CYP7B1: variants seen among roughly 807,000 people sequenced by gnomAD.
The protein encoded by CYP7B1 is cytochrome P450 7B1.
In CYP7B1, 29 loss-of-function variants were observed where a neutral mutation model predicts 42.7. The observed-to-expected ratio is 0.68, with a 90% CI of 0.51 to 0.93. The LOEUF is 0.93. Among genes scored for constraint, CYP7B1 ranks in the 40% least tolerant of loss-of-function variants. The pLI is 0.00. For missense variants in CYP7B1, 655 were observed against 600.5 expected, an observed-to-expected ratio of 1.09 and a Z score of -0.95; for synonymous variants, 235 against 218.2, an observed-to-expected ratio of 1.08 and a Z score of -0.68.
chr8:64,686,532 C>T (rs1806651525), intron 1 of CYP7B1, among the ~76,000 whole-genome samples: 1 of 59,656 alleles, frequency 1.7e-5, no homozygotes, highest in South Asian at 4.6e-4. Context: ...GCCCGGCCAG[C>T]CACCCCGTCC....
chr8:64,613,999 C>G (rs577615473), intron 4 of CYP7B1, among the ~76,000 whole-genome samples: 42 of 152,148 alleles, frequency 2.8e-4, no homozygotes, highest in Non-Finnish European at 5.0e-4. Flanking sequence ...CCTACATTGT[C>G]AAAGGAATAA....
chr8:64,736,528 G>A (rs1807490232), intron 1 of CYP7B1, among the ~76,000 whole-genome samples: 1 of 152,144 alleles, frequency 6.6e-6, no homozygotes, highest in Non-Finnish European at 1.5e-5. Context: ...TTGGCTCACT[G>A]CAACCTCCGC....
intron 2 of CYP7B1, among the ~76,000 whole-genome samples, chr8:64,623,685 T>C (rs1019672634): frequency 9.2e-5 from 14 of 152,208 alleles, no homozygotes; most frequent in African/African-American, 3.4e-4. Context: ...TTTTGGTACT[T>C]TATTAAAGTC....
chr8:64,740,095 A>G (rs1807546682), intron 1 of CYP7B1, among the ~76,000 whole-genome samples: 1 of 152,140 alleles, frequency 6.6e-6, no homozygotes. Flanking sequence ...GAGGAAGAAC[A>G]CTGGAGAAGA....
intron 5 of CYP7B1, among the ~76,000 whole-genome samples, chr8:64,603,860 C>A (rs1403033574): frequency 6.6e-6 from 1 of 152,174 alleles, no homozygotes. Context: ...TCTATCTTAG[C>A]AATTAGATTT....
intron 1 of CYP7B1, among the ~76,000 whole-genome samples, chr8:64,709,902 C>T (rs904380572): frequency 1.3e-5 from 2 of 152,130 alleles, no homozygotes; most frequent in African/African-American, 4.8e-5. Flanking sequence ...GCTACTTCAC[C>T]TCAAACTTTA....
chr8:64,704,375 T>C (rs904928194), intron 1 of CYP7B1, among the ~76,000 whole-genome samples: 4 of 152,090 alleles, frequency 2.6e-5, no homozygotes, highest in Non-Finnish European at 5.9e-5. Flanking sequence ...TCCACAGATA[T>C]ATCTTAATCA....
chr8:64,615,285 G>C (rs1805420948), intron 3 of CYP7B1, 53 bp from the exon 4 acceptor site: 2 of 1,510,730 alleles, frequency 1.3e-6, no homozygotes, highest in Admixed American at 3.8e-5. Context: ...ACACTGATTA[G>C]ATTTGCAGTG....
chr8:64,645,171 T>C (rs1249241251), intron 1 of CYP7B1, among the ~76,000 whole-genome samples: 4 of 150,894 alleles, frequency 2.7e-5, no homozygotes, highest in African/African-American at 9.8e-5. Flanking sequence ...TGTTGGACAT[T>C]TGGGTTGGTT....
chr8:64,695,091 C>G (rs1051119791), intron 1 of CYP7B1, among the ~76,000 whole-genome samples: 1 of 152,106 alleles, frequency 6.6e-6, no homozygotes, highest in Non-Finnish European at 1.5e-5. Flanking sequence ...ATGCTGCTGA[C>G]TAAAAATCAG....
chr8:64,734,453 T>C (rs1157780016), intron 1 of CYP7B1: 2 of 152,204 alleles, frequency 1.3e-5, no homozygotes, highest in East Asian at 1.9e-4. Context: ...GTAGAAAAGA[T>C]GGAAGGGCAA....
At chr8:64,606,127 T>C (rs1805275135) in intron 4 of CYP7B1, among the ~76,000 whole-genome samples, 2 of 152,186 alleles carry the variant, frequency 1.3e-5, no homozygotes, top group African/African-American at 4.8e-5. Flanking sequence ...GCCAGTGTGG[T>C]GATTCAATGT....
chr8:64,758,153 G>T (rs572316979), intron 1 of CYP7B1, among the ~76,000 whole-genome samples: 1 of 152,134 alleles, frequency 6.6e-6, no homozygotes, highest in East Asian at 1.9e-4. Flanking sequence ...AGAACAAAAG[G>T]CTTGCAGAGA....
intron 5 of CYP7B1, among the ~76,000 whole-genome samples, chr8:64,597,404 G>T (rs1805135488): frequency 6.6e-6 from 1 of 152,152 alleles, no homozygotes; most frequent in African/African-American, 2.4e-5. Flanking sequence ...ACCAGCTACT[G>T]ATAGATGAGA....
At chr8:64,706,869 A>C (rs1226358072) in intron 1 of CYP7B1, among the ~76,000 whole-genome samples, 1 of 152,004 alleles carries the variant, frequency 6.6e-6, no homozygotes, top group Non-Finnish European at 1.5e-5. Context: ...GTAGGAGAAA[A>C]GATTATCATC....
At chr8:64,681,848 T>C (rs879891450) in intron 1 of CYP7B1, among the ~76,000 whole-genome samples, 1 of 152,188 alleles carries the variant, frequency 6.6e-6, no homozygotes, top group South Asian at 2.1e-4. Flanking sequence ...TATGAGATAA[T>C]AAATGTTTGT....
intron 1 of CYP7B1, among the ~76,000 whole-genome samples, chr8:64,688,580 CTGAAGTGCAAG>C (rs1398691284): frequency 1.3e-5 from 2 of 152,266 alleles, no homozygotes; most frequent in African/African-American, 4.8e-5. Context: ...CCAACTCTGG[CTGAAGTGCAAG>C]TTATTTGGGT....
At chr8:64,670,173 T>C (rs1806343659) in intron 1 of CYP7B1, among the ~76,000 whole-genome samples, 1 of 152,214 alleles carries the variant, frequency 6.6e-6, no homozygotes, top group Non-Finnish European at 1.5e-5. Flanking sequence ...CTGTAACACT[T>C]GGGTTCCACC....
intron 1 of CYP7B1, among the ~76,000 whole-genome samples, chr8:64,683,068 T>C (rs1429454699): frequency 6.6e-6 from 1 of 152,194 alleles, no homozygotes; most frequent in Non-Finnish European, 1.5e-5. Flanking sequence ...CCAAGTAGTG[T>C]TTCCTCTCCA....
Sources: allele counts gnomAD v4.1 joint callset (sites outside exome capture counted in the v4.1 genomes callset), GRCh38; gene constraint gnomAD v4.1.1; transcripts MANE v1.5; gene names NCBI Gene and HGNC (gene_info 2026-07-23, HGNC 2026-07-21).